The following SBF2 variants were observed in gnomAD, a reference collection of about 807,000 sequenced individuals.
SBF2 encodes SET binding factor 2.
A neutral mutation model predicts 225.2 loss-of-function variants in SBF2; 112 were observed. That is an observed-to-expected ratio of 0.50 (90% CI 0.43 to 0.58). The LOEUF (loss-of-function observed/expected upper bound fraction) is 0.58, where lower values mean the gene tolerates loss of function less well. SBF2 is among the 20% of genes least tolerant of loss of function. The pLI is 0.00. For missense variants in SBF2, 1,996 were observed against 2,206.2 expected (o/e 0.90, Z 1.91); for synonymous variants, 763 against 773.3 (o/e 0.99, Z 0.22).
intron 16 of SBF2, among the ~76,000 whole-genome samples, chr11:9,935,837 C>G (rs1193497666): frequency 1.3e-5 from 2 of 152,080 alleles, no homozygotes; most frequent in African/African-American, 4.8e-5. Flanking sequence ...AATGTTAGAC[C>G]TAAAACCATA....
At chr11:10,066,418 C>T (rs561240839) in intron 2 of SBF2, among the ~76,000 whole-genome samples, 9 of 151,438 alleles carry the variant, frequency 5.9e-5, no homozygotes, top group African/African-American at 1.5e-4. Context: ...CATGACCAAG[C>T]GGGGTTTAAC....
intron 2 of SBF2, among the ~76,000 whole-genome samples, chr11:10,047,723 T>C (rs1351761332): frequency 6.6e-6 from 1 of 152,168 alleles, no homozygotes; most frequent in Non-Finnish European, 1.5e-5. Context: ...TTTCCTACAT[T>C]TGGAGAGGGA....
At position 10,293,919 on chromosome 11, in the gene SBF2, C is replaced by T. The variant is rs1037627200; in HGVS notation, c.55+96G>A. ...TCCTCCGAGACTCGGCCTGGCCCTC[C>T]CCGACGCCCGTCCCCGACGCCCGGC... On this transcript the variant is annotated intron_variant, in intron 1 of 39. Transcript: ENST00000256190. 21 of 963,058 alleles carry T rather than the reference C, an allele frequency of 2.2e-5. No homozygotes were observed. The African/African-American group carries it at 3.3e-4, about 15-fold the overall frequency. The allele number at this position is 963,058 out of a possible 1,614,324, so 59.7% of individuals were successfully genotyped here.
chr11:9,878,994 G>C (rs978408976), intron 17 of SBF2, among the ~76,000 whole-genome samples: 1 of 152,184 alleles, frequency 6.6e-6, no homozygotes, highest in African/African-American at 2.4e-5. Flanking sequence ...CAACTGCAAA[G>C]CTGCAGAAAT....
intron 13 of SBF2, among the ~76,000 whole-genome samples, chr11:9,978,639 T>C (rs967275816): frequency 2.1e-5 from 2 of 93,932 alleles, no homozygotes; most frequent in Admixed American, 2.1e-4. Context: ...TTGATTGTTT[T>C]TGTTTGTTTG....
chr11:10,118,510 T>C (rs1460107065), intron 2 of SBF2, among the ~76,000 whole-genome samples: 2 of 145,834 alleles, frequency 1.4e-5, no homozygotes, highest in Non-Finnish European at 3.0e-5. Flanking sequence ...TTTTAAAATA[T>C]GGTCAGAGGT....
At chr11:10,014,460 G>GTATT (rs1264551207) in intron 6 of SBF2, among the ~76,000 whole-genome samples, 1 of 121,278 alleles carries the variant, frequency 8.2e-6, no homozygotes, top group Non-Finnish European at 1.6e-5. Context: ...GCTAAATCCT[G>GTATT]TATTACACAT....
At chr11:10,243,585 CAAAAG>C (rs1475661006) in intron 1 of SBF2, among the ~76,000 whole-genome samples, 1 of 150,712 alleles carries the variant, frequency 6.6e-6, no homozygotes, top group African/African-American at 2.4e-5. Flanking sequence ...AGAAAAAAAA[CAAAAG>C]AAGACTCAAA....
intron 1 of SBF2, among the ~76,000 whole-genome samples, chr11:10,228,009 T>C (rs1191058593): frequency 1.3e-5 from 2 of 151,366 alleles, no homozygotes; most frequent in Admixed American, 6.6e-5. Flanking sequence ...AGCAGTGGTT[T>C]GTAGTTCTCC....
intron 1 of SBF2, among the ~76,000 whole-genome samples, chr11:10,243,021 C>G (rs967434781): frequency 5.3e-5 from 8 of 152,066 alleles, no homozygotes; most frequent in African/African-American, 9.7e-5. Context: ...CCAAAAGTAG[C>G]AGAACACACA....
chr11:10,254,385 GAAA>G (rs560534059), intron 1 of SBF2, among the ~76,000 whole-genome samples: 1 of 82,320 alleles, frequency 1.2e-5, no homozygotes. Flanking sequence ...TGTCTCAAAA[GAAA>G]AAAAAAAAAA....
At chr11:10,067,355 T>C (rs1319119950) in intron 2 of SBF2, among the ~76,000 whole-genome samples, 6 of 152,160 alleles carry the variant, frequency 3.9e-5, no homozygotes, top group African/African-American at 1.2e-4. Flanking sequence ...ACCAGGTTTT[T>C]TGGTTGTGTG....
rs949222817 is a variant in SBF2, at chr11:10,021,191, C to T, written c.619+7261G>A. Among the ~76,000 whole-genome samples, 5 of 152,244 alleles carry T rather than the reference C, an allele frequency of 3.3e-5. No individual in the cohort carries two copies. The East Asian group carries it at 9.7e-4, about 29-fold the overall frequency. The stretch of plus-strand genomic sequence containing the variant: ...TTGGATACATTTTCTAAAACTAGTA[C>T]ATGTTCTAGTAAAATCCAAATTACA... On this transcript the variant is annotated intron_variant, in intron 6 of 39. Coordinates refer to ENST00000256190, the MANE Select transcript of SBF2 (RefSeq NM_030962.4).
At chr11:9,882,619 T>C (rs190892831) in intron 17 of SBF2, among the ~76,000 whole-genome samples, 79 of 152,022 alleles carry the variant, frequency 5.2e-4, no homozygotes, top group East Asian at 2.1e-3. Context: ...CCATCCTGGC[T>C]AACACGGTGA....
At chr11:9,997,554 A>G (rs113835832) in intron 9 of SBF2, among the ~76,000 whole-genome samples, 40,997 of 152,104 alleles carry the variant, frequency 0.27, 5,629 homozygotes, top group Middle Eastern at 0.33. Flanking sequence ...CAAAGCGGGC[A>G]GATCACGAGA....
intron 2 of SBF2, among the ~76,000 whole-genome samples, chr11:10,178,560 A>C (rs1591147474): frequency 6.7e-6 from 1 of 149,832 alleles, no homozygotes; most frequent in Non-Finnish European, 1.5e-5. Flanking sequence ...TCTCAAAAGA[A>C]GACATTTATG....
chr11:10,063,649 G>A (rs937857111), intron 2 of SBF2, among the ~76,000 whole-genome samples: 4 of 151,534 alleles, frequency 2.6e-5, no homozygotes, highest in South Asian at 2.1e-4. Flanking sequence ...GAGCCACCGC[G>A]CCTGGCCAAA....
intron 1 of SBF2, among the ~76,000 whole-genome samples, chr11:10,265,777 C>T (rs1055665272): frequency 2.4e-4 from 37 of 152,244 alleles, no homozygotes; most frequent in African/African-American, 8.9e-4. Context: ...CCTCAACCTC[C>T]CAGGCTCAAG....
intron 16 of SBF2, among the ~76,000 whole-genome samples, chr11:9,921,085 T>C (rs999267211): frequency 1.4e-5 from 2 of 146,162 alleles, no homozygotes; most frequent in African/African-American, 2.5e-5. Context: ...TTTTTTTTTT[T>C]TGGAGCTGGA....
Sources: allele counts gnomAD v4.1 joint callset (sites outside exome capture counted in the v4.1 genomes callset), GRCh38; gene constraint gnomAD v4.1.1; transcripts MANE v1.5; gene names NCBI Gene and HGNC (gene_info 2026-07-23, HGNC 2026-07-21).